PGM1: variants seen among roughly 807,000 people sequenced by gnomAD.
PGM1 encodes phosphoglucomutase-1.
A neutral mutation model predicts 55.6 loss-of-function variants in PGM1; 52 were observed. That is an observed-to-expected ratio of 0.94 (90% CI 0.75 to 1.18). The LOEUF (loss-of-function observed/expected upper bound fraction) is 1.18, where lower values mean the gene tolerates loss of function less well. Among genes scored for constraint, PGM1 ranks in the 50% most tolerant of loss-of-function variants. The pLI is 0.00. For missense variants in PGM1, 724 were observed against 729.3 expected (o/e 0.99, Z 0.08); for synonymous variants, 287 against 271.7 (o/e 1.06, Z -0.55).
rs1288381401 is a variant in PGM1, at chr1:63,633,928, A to ATTTT, written c.683-900_683-899insTTTT. 9.5e-4 allele frequency among the ~76,000 whole-genome samples: 61 copies of ATTTT among 64,378 alleles called. 3 individuals are homozygous for ATTTT. The highest frequency in any genetic ancestry group is 1.5e-3 in the Admixed American group (8 of 5,474). 42.2% of individuals were successfully genotyped at this position (64,378 alleles called of 152,430 possible). A position where few individuals can be genotyped will look rare whatever the true frequency, so the allele number is the denominator to read the frequency against. ...TGTGTGTGTGTGTGTGTATATATAT[A>ATTTT]TATATTTTTTTTTTTTTTTTTTTTT... On this transcript the variant is annotated intron_variant, in intron 4 of 10. Transcript: ENST00000371084.
At position 63,643,225 on chromosome 1, in the gene PGM1, C is replaced by T. The variant is rs571102922; in HGVS notation, c.1144+4425C>T. On this transcript the variant is annotated intron_variant, in intron 7 of 10. Transcript: ENST00000371084. ...AACTAGGCTTATACCCTAATTATAA[C>T]TCACTCATTTAAAGTGTTACCTGCC... 5.3e-5 allele frequency among the ~76,000 whole-genome samples: 8 copies of T among 152,322 alleles called. No individual in the cohort carries two copies. The East Asian group carries it at 1.5e-3, about 29-fold the overall frequency.
At position 63,648,600 on chromosome 1, in the gene PGM1, GA is replaced by G. The variant is rs772656241; in HGVS notation, c.1229del (p.Glu410GlyfsTer32). 6.2e-7 allele frequency: 1 copy of G among 1,614,130 alleles called. No individual in the cohort carries two copies. The highest frequency in any genetic ancestry group is 8.5e-7 in the Non-Finnish European group (1 of 1,179,994). On this transcript the variant is annotated frameshift_variant, in exon 8 of 11. Coordinates refer to ENST00000371084, the MANE Select transcript of PGM1 (RefSeq NM_002633.3). LOFTEE classifies it high-confidence loss of function. ...SILATRKQSV[E>X]DILKDHWQKY... ...CCTAGCCACCCGCAAGCAGAGTGTG[GA>G]GGACATTCTCAAAGATCATTGGCAA...
At chr1:63,644,164 C>T (rs1339897307) in intron 7 of PGM1, among the ~76,000 whole-genome samples, 1 of 152,162 alleles carries the variant, frequency 6.6e-6, no homozygotes, top group African/African-American at 2.4e-5. Context: ...CAGGATGTGC[C>T]CTGGCTGAGC....
intron 1 of PGM1, among the ~76,000 whole-genome samples, chr1:63,606,663 A>C (rs944642279): frequency 1.3e-5 from 2 of 152,248 alleles, no homozygotes; most frequent in African/African-American, 4.8e-5. Flanking sequence ...GGGCTGTGAA[A>C]TATCAGTCTT....
At chr1:63,639,066 C>T (rs1036392225) in intron 7 of PGM1, among the ~76,000 whole-genome samples, 21 of 152,152 alleles carry the variant, frequency 1.4e-4, no homozygotes, top group Non-Finnish European at 1.5e-5. Flanking sequence ...GTCATTGAGT[C>T]TGCAGGGATT....
intron 1 of PGM1, chr1:63,623,753 C>T: frequency 6.2e-7 from 1 of 1,607,830 alleles, no homozygotes; most frequent in East Asian, 2.2e-5. Context: ...ATGGCAGCTG[C>T]CAATGGGGTG....
intron 7 of PGM1, 34 bp downstream of exon 7, chr1:63,638,834 C>G (rs1489390844): frequency 7.2e-7 from 1 of 1,385,648 alleles, no homozygotes; most frequent in African/African-American, 1.4e-5. Context: ...ATTTTCCTCC[C>G]TGTAACCACT....
At chr1:63,641,995 T>C (rs1649530794) in intron 7 of PGM1, among the ~76,000 whole-genome samples, 1 of 152,204 alleles carries the variant, frequency 6.6e-6, no homozygotes, top group Non-Finnish European at 1.5e-5. Context: ...GGTCACTGCT[T>C]TCTGGCTGAA....
chr1:63,634,815 C>T lies in PGM1; in HGVS notation c.683-14C>T, dbSNP rs777572146. 3 of 1,605,690 alleles carry T rather than the reference C, an allele frequency of 1.9e-6. No homozygotes were observed. The East Asian group carries it at 6.7e-5, about 36-fold the overall frequency. ...TTTCTGATTCTGCATACATTTATTC[C>T]ATGCTGTATATAGTTGTGGGACCGT... On this transcript the variant is annotated splice_polypyrimidine_tract_variant and intron_variant, in intron 4 of 10. Coordinates refer to ENST00000371084, the MANE Select transcript of PGM1 (RefSeq NM_002633.3).
chr1:63,651,352 G>A, intron 8 of PGM1: 1 of 326,194 alleles, frequency 3.1e-6, no homozygotes, highest in South Asian at 3.0e-5. Flanking sequence ...CTCAGGATGT[G>A]GTGACTAAAT....
intron 7 of PGM1, among the ~76,000 whole-genome samples, chr1:63,641,620 G>T (rs879701821): frequency 6.6e-6 from 1 of 152,132 alleles, no homozygotes; most frequent in African/African-American, 2.4e-5. Context: ...TCTCAAAAAC[G>T]TTTCCTTGAC....
chr1:63,649,231 T>A (rs933176862), intron 8 of PGM1, among the ~76,000 whole-genome samples: 1 of 152,246 alleles, frequency 6.6e-6, no homozygotes, highest in Non-Finnish European at 1.5e-5. Context: ...ATAATTTTTT[T>A]AATTTATTCA....
intron 1 of PGM1, among the ~76,000 whole-genome samples, chr1:63,616,230 T>G (rs975233965): frequency 2.6e-5 from 4 of 152,200 alleles, no homozygotes; most frequent in African/African-American, 9.7e-5. Context: ...AAATGTTATA[T>G]GAACCACATA....
In PGM1 at chr1:63,631,762, G is replaced by A. The variant is rs748304901; in HGVS notation, c.662G>A (p.Arg221His). 4.0e-5 allele frequency: 64 copies of A among 1,613,608 alleles called. No individual in the cohort carries two copies. The highest frequency in any genetic ancestry group is 3.3e-4 in the Middle Eastern group (2 of 6,076). ...TCTGGGCCAAACCGACTGAAGATCCGTATTGATGCTATGCATGGAGGTATA... is the reference window on the plus strand; with the variant it reads ...TCTGGGCCAAACCGACTGAAGATCCATATTGATGCTATGCATGGAGGTATA... The part of the protein sequence containing the change: ...LLSGPNRLKI[R>H]IDAMHGVVGP... The change falls in exon 4 of 11, where the codon CGT becomes CAT. Residue 221 changes from arginine to histidine, a missense_variant. Arg to His is a conservative substitution (Grantham distance 29, BLOSUM62 0). Transcript: ENST00000371084.
intron 8 of PGM1, among the ~76,000 whole-genome samples, chr1:63,649,622 C>T (rs954559183): frequency 8.5e-5 from 13 of 152,206 alleles, no homozygotes; most frequent in African/African-American, 3.1e-4. Flanking sequence ...AGTCCGTGAT[C>T]TCTGGATAGT....
At chr1:63,611,010 G>A (rs569701258) in intron 1 of PGM1, among the ~76,000 whole-genome samples, 27 of 152,142 alleles carry the variant, frequency 1.8e-4, no homozygotes, top group Admixed American at 2.0e-4. Flanking sequence ...AGAAATCTCC[G>A]TGAATAAGAT....
chr1:63,623,222 A>G lies in PGM1; in HGVS notation c.247-6203A>G, dbSNP rs1648929593. 3.7e-6 allele frequency: 5 copies of G among 1,366,064 alleles called. No homozygotes were observed. In the South Asian group the frequency reaches 7.4e-5, roughly 20 times the overall value. The allele number at this position is 1,366,064 out of a possible 1,614,324, so 84.6% of individuals were successfully genotyped here. On this transcript the variant is annotated intron_variant, in intron 1 of 10. Transcript: ENST00000371084. ...GGGCAGAAGTGTCCTCATCAAAACAACTTTGAAGACCTGCTTTGTGTGTGG... is the reference window on the plus strand; with the variant it reads ...GGGCAGAAGTGTCCTCATCAAAACAGCTTTGAAGACCTGCTTTGTGTGTGG...
intron 1 of PGM1, among the ~76,000 whole-genome samples, chr1:63,595,151 CTTTA>C (rs1270808781): frequency 3.3e-5 from 5 of 152,052 alleles, no homozygotes; most frequent in Non-Finnish European, 7.4e-5. Context: ...TTTAATAGTA[CTTTA>C]TTTATCTTAT....
intron 7 of PGM1, among the ~76,000 whole-genome samples, chr1:63,639,382 T>C (rs1458360571): frequency 1.3e-5 from 2 of 151,872 alleles, no homozygotes; most frequent in Admixed American, 1.3e-4. Context: ...GAAAGAAGGG[T>C]ACATAGTATT....
Sources: allele counts gnomAD v4.1 joint callset (sites outside exome capture counted in the v4.1 genomes callset), GRCh38; gene constraint gnomAD v4.1.1; transcripts MANE v1.5; gene names NCBI Gene and HGNC (gene_info 2026-07-23, HGNC 2026-07-21).